The following PEBP4 variants were observed in gnomAD, a reference collection of about 807,000 sequenced individuals.
PEBP4 encodes the protein phosphatidylethanolamine binding protein 4, also known as phosphatidylethanolamine-binding protein 4.
Under a neutral mutation model 23.9 loss-of-function variants are expected in PEBP4, and 22 were observed. The ratio of observed to expected loss-of-function variants is 0.92; its 90% confidence interval spans 0.66 to 1.31. The LOEUF (loss-of-function observed/expected upper bound fraction) is 1.31. Among genes scored for constraint, PEBP4 ranks in the 40% most tolerant of loss-of-function variants. The pLI is 0.00. For missense variants in PEBP4, 324 were observed against 281.7 expected, an observed-to-expected ratio of 1.15 and a Z score of -1.07; for synonymous variants, 112 against 99.3, an observed-to-expected ratio of 1.13 and a Z score of -0.76.
At chr8:22,834,382 G>A (rs78333729) in intron 3 of PEBP4, among the ~76,000 whole-genome samples, 5 of 152,308 alleles carry the variant, frequency 3.3e-5, no homozygotes, top group South Asian at 2.1e-4. Flanking sequence ...GGACGGGTTC[G>A]AATTTCAGGC....
chr8:22,851,184 G>C lies in PEBP4; in HGVS notation c.259-33449C>G, dbSNP rs1428125604. ...CTCTCCTCCACATTTGGCTTGCATG[G>C]TGCCTCTAGTAAGTTCTAACATGCA... On this transcript the variant is annotated intron_variant, in intron 3 of 6. Transcript: ENST00000256404. Among the ~76,000 whole-genome samples, 4 of 152,250 alleles carry C rather than the reference G, an allele frequency of 2.6e-5. No individual in the cohort carries two copies. In the East Asian group the frequency reaches 5.8e-4, roughly 22 times the overall value.
At chr8:22,718,072 C>T (rs772820691) in intron 6 of PEBP4, among the ~76,000 whole-genome samples, 1 of 152,282 alleles carries the variant, frequency 6.6e-6, no homozygotes, top group East Asian at 1.9e-4. Flanking sequence ...AGGAGATTTG[C>T]TGAGTGGCTG....
At chr8:22,836,387 T>A (rs111392995) in intron 3 of PEBP4, among the ~76,000 whole-genome samples, 2 of 152,246 alleles carry the variant, frequency 1.3e-5, no homozygotes, top group African/African-American at 4.8e-5. Context: ...CACAACAATA[T>A]GGTATTTGTT....
intron 3 of PEBP4, chr8:22,886,748 G>A (rs1808385765): frequency 6.6e-6 from 1 of 152,594 alleles, no homozygotes; most frequent in African/African-American, 2.4e-5. Context: ...AGGGACCTGA[G>A]ATGGGGTGGC....
chr8:22,730,885 G>A (rs1804715384), intron 4 of PEBP4, among the ~76,000 whole-genome samples: 1 of 152,188 alleles, frequency 6.6e-6, no homozygotes, highest in Admixed American at 6.5e-5. Flanking sequence ...AGCCCCTCCA[G>A]GACTGACCGA....
At chr8:22,846,495 A>G (rs1024585251) in intron 3 of PEBP4, among the ~76,000 whole-genome samples, 2 of 151,926 alleles carry the variant, frequency 1.3e-5, no homozygotes, top group African/African-American at 4.8e-5. Flanking sequence ...CCCACCCTAA[A>G]CCTACCTTTT....
Position 22,898,389 on chromosome 8 carries a change from CCCAAAAAA to C in PEBP4, c.258+21787_258+21794del, listed in dbSNP as rs1808634057. Among the ~76,000 whole-genome samples, 296 of 86,490 alleles carry C rather than the reference CCCAAAAAA, an allele frequency of 3.4e-3. 11 individuals carry two copies. The highest frequency in any genetic ancestry group is 5.7e-3 in the Middle Eastern group (1 of 176). 56.7% of individuals were successfully genotyped at this position (86,490 alleles called of 152,430 possible). ...CCTGAGCGACAGAGGAAGACTCCACCCCAAAAAAAAAAAAAAAAAAAAAAAAAAAAAAA... is the reference window on the plus strand; with the variant it reads ...CCTGAGCGACAGAGGAAGACTCCACCAAAAAAAAAAAAAAAAAAAAAAAAA... On this transcript the variant is annotated intron_variant, in intron 3 of 6. Transcript: ENST00000256404.
intron 3 of PEBP4, among the ~76,000 whole-genome samples, chr8:22,838,698 G>C (rs1327894073): frequency 6.6e-6 from 1 of 152,270 alleles, no homozygotes; most frequent in Non-Finnish European, 1.5e-5. Flanking sequence ...GGGCGATGCT[G>C]CCAGGCCTGG....
chr8:22,800,108 A>G (rs1456384667), intron 4 of PEBP4, among the ~76,000 whole-genome samples: 2 of 152,122 alleles, frequency 1.3e-5, no homozygotes, highest in African/African-American at 4.8e-5. Flanking sequence ...ACAAGGTCAA[A>G]TTTTGCTTTT....
intron 4 of PEBP4, among the ~76,000 whole-genome samples, chr8:22,805,779 A>G (rs898287526): frequency 6.8e-6 from 1 of 147,038 alleles, no homozygotes; most frequent in Non-Finnish European, 1.5e-5. Context: ...TTTAAAAAAT[A>G]AAGTCTATTT....
chr8:22,861,796 G>A (rs1358853545), intron 3 of PEBP4, among the ~76,000 whole-genome samples: 1 of 152,200 alleles, frequency 6.6e-6, no homozygotes, highest in Non-Finnish European at 1.5e-5. Context: ...GAGGTATGGG[G>A]TAGGGGTGGT....
At chr8:22,891,258 G>GT (rs61498867) in intron 3 of PEBP4, among the ~76,000 whole-genome samples, 1 of 152,164 alleles carries the variant, frequency 6.6e-6, no homozygotes, top group African/African-American at 2.4e-5. Flanking sequence ...ATGAATGAAT[G>GT]CTTATGTGGC....
At chr8:22,811,903 T>TCATA (rs781520636) in intron 4 of PEBP4, among the ~76,000 whole-genome samples, 4 of 152,202 alleles carry the variant, frequency 2.6e-5, no homozygotes, top group Non-Finnish European at 4.4e-5. Flanking sequence ...GTTTGCTAAA[T>TCATA]CATAAGTAGC....
At chr8:22,736,696 A>G (rs1479557059) in intron 4 of PEBP4, among the ~76,000 whole-genome samples, 1 of 152,252 alleles carries the variant, frequency 6.6e-6, no homozygotes, top group Admixed American at 6.5e-5. Flanking sequence ...ATATCACTTT[A>G]AACTAAAGAC....
Position 22,841,270 on chromosome 8 carries a change from G to C in PEBP4, c.259-23535C>G, listed in dbSNP as rs112261616. ...GCCACTCTCTTCTGTGGCCCTTTGAGGGGGTGGAAGCAGGATTTCTGTAAA... is the reference window on the plus strand; with the variant it reads ...GCCACTCTCTTCTGTGGCCCTTTGACGGGGTGGAAGCAGGATTTCTGTAAA... On this transcript the variant is annotated intron_variant, in intron 3 of 6. Coordinates refer to ENST00000256404, the MANE Select transcript of PEBP4 (RefSeq NM_144962.3). Among the ~76,000 whole-genome samples the C allele has an allele frequency of 2.2e-3, 342 of 152,380 alleles. 5 individuals carry two copies. The highest frequency in any genetic ancestry group is 7.5e-3 in the African/African-American group (312 of 41,600).
chr8:22,739,978 G>C (rs1430140500), intron 4 of PEBP4, among the ~76,000 whole-genome samples: 3 of 152,206 alleles, frequency 2.0e-5, no homozygotes, highest in African/African-American at 7.2e-5. Flanking sequence ...AGCAGCAGGT[G>C]GGAGTCAGAT....
At chr8:22,842,833 A>T (rs1471286460) in intron 3 of PEBP4, among the ~76,000 whole-genome samples, 1 of 151,968 alleles carries the variant, frequency 6.6e-6, no homozygotes, top group Non-Finnish European at 1.5e-5. Context: ...CTGAATTTTT[A>T]TTTTTATTTT....
intron 3 of PEBP4, among the ~76,000 whole-genome samples, chr8:22,835,169 A>G (rs763181312): frequency 6.6e-6 from 1 of 152,186 alleles, no homozygotes; most frequent in Non-Finnish European, 1.5e-5. Flanking sequence ...ACTGTCACTA[A>G]GGTATAGTTT....
chr8:22,788,242 TCTAA>T (rs1245080496), intron 4 of PEBP4, among the ~76,000 whole-genome samples: 1 of 151,816 alleles, frequency 6.6e-6, no homozygotes, highest in Non-Finnish European at 1.5e-5. Flanking sequence ...GGAGAGGGCT[TCTAA>T]CTATCACCGA....
Sources: gnomAD v4.1 joint callset for allele counts (sites outside exome capture counted in the v4.1 genomes callset) on GRCh38, gnomAD v4.1.1 for gene constraint, MANE v1.5 for transcripts, NCBI Gene and HGNC (gene_info 2026-07-23, HGNC 2026-07-21) for gene names.